KRT15: variants seen among roughly 807,000 people sequenced by gnomAD.
The protein encoded by KRT15 is keratin, type I cytoskeletal 15.
Under a neutral mutation model 46.6 loss-of-function variants are expected in KRT15, and 45 were observed. That is an observed-to-expected ratio of 0.97 (90% confidence interval 0.76 to 1.24). KRT15 has a LOEUF of 1.24. Ranked by LOEUF, KRT15 falls within the 50% of genes most tolerant of loss-of-function variation. The pLI, the probability that KRT15 is intolerant of heterozygous loss-of-function variation, is 0.00. For missense variants in KRT15, 592 were observed against 588.9 expected (o/e 1.01, Z -0.05); for synonymous variants, 221 against 233.8 (o/e 0.95, Z 0.50).
At position 41,518,389 on chromosome 17, in the gene KRT15, T is replaced by G. The variant is rs1050784; in HGVS notation, c.439A>C (p.Thr147Pro). ...IHDWYQKQTP[T>P]SPECDYSQYF... ...TGGCTGTAGTCGCATTCTGGGCTGGTTGGGGTCTGCTTCTGGTACCAGTCA... is the reference window on the plus strand; with the variant it reads ...TGGCTGTAGTCGCATTCTGGGCTGGGTGGGGTCTGCTTCTGGTACCAGTCA... The change falls in exon 1 of 8, where the codon ACC (threonine) becomes CCC (proline). Residue 147 changes from threonine to proline, a missense_variant. Transcript: ENST00000254043. The G allele has an allele frequency of 1.2e-6, 2 of 1,613,754 alleles. No homozygotes were observed. Among genetic ancestry groups the G allele is most frequent in the Non-Finnish European group, 1.7e-6 (2 of 1,179,918 alleles).
Position 41,513,906 on chromosome 17 carries a change from T to G in KRT15, c.*117A>C. The G allele has an allele frequency of 1.3e-6, 1 of 794,332 alleles. No homozygotes were observed. Among genetic ancestry groups the G allele is most frequent in the Non-Finnish European group, 2.2e-6 (1 of 446,516 alleles). 49.2% of individuals were successfully genotyped at this position (794,332 alleles called of 1,614,324 possible). On this transcript the variant is annotated 3_prime_UTR_variant, in exon 8 of 8. Transcript: ENST00000254043. ...CCTGAAATAAAAGACCGAGGGACCC[T>G]TTTCAGCTCTCTGAAGGCAGGGACT...
chr17:41,514,774 C>A, intron 6 of KRT15, 100 bp from the exon 7 acceptor site: 1 of 1,203,504 alleles, frequency 8.3e-7, no homozygotes, highest in Non-Finnish European at 1.2e-6. Context: ...TCAGACCCTA[C>A]ACCACCACCA....
In KRT15 at chr17:41,515,583, C is replaced by T. The variant is rs771994753; in HGVS notation, c.1136G>A (p.Arg379Gln). 5 of 1,614,142 alleles carry T rather than the reference C, an allele frequency of 3.1e-6. No individual in the cohort carries two copies. The highest frequency in any genetic ancestry group is 2.2e-5 in the South Asian group (2 of 91,082). The change falls in exon 6 of 8, where the codon CGA becomes CAA. Residue 379 changes from arginine (R) to glutamine (Q), a missense_variant. Physicochemically the swap from Arg to Gln is conservative, Grantham distance 43. Coordinates refer to ENST00000254043, the MANE Select transcript of KRT15 (RefSeq NM_002275.4). The stretch of plus-strand genomic sequence containing the variant: ...CTGGTTCTGAGCCTCCATCTCGCAT[C>T]GGAGCTCACTCAGCTGGGCCTCCAG... ...GGLEAQLSEL[R>Q]CEMEAQNQEY...
Position 41,518,537 on chromosome 17 carries a change from A to G in KRT15, c.291T>C (p.Asp97=). ...GGFGGGFGGG[D]GGLLSGNEKI... ...TCTCATTGCCAGAGAGGAGACCACC[A>G]TCGCCACCACCAAAGCCACCACCAA... The change falls in exon 1 of 8, where the codon GAT becomes GAC. Residue 97 remains aspartate (D), a synonymous_variant. Transcript: ENST00000254043. 6.2e-7 allele frequency: 1 copy of G among 1,613,954 alleles called. No individual in the cohort carries two copies. Among genetic ancestry groups the G allele is most frequent in the Non-Finnish European group, 8.5e-7 (1 of 1,179,984 alleles).
At chr17:41,518,084 C>T (rs1283284049) in intron 1 of KRT15, among the ~76,000 whole-genome samples, 1 of 152,050 alleles carries the variant, frequency 6.6e-6, no homozygotes, top group Non-Finnish European at 1.5e-5. Flanking sequence ...CCACCTGTGC[C>T]CCTGTTGGTC....
rs113520152 is a variant in KRT15 at position 41,515,470 on chromosome 17, A to G, written c.1247+2T>C. The stretch of plus-strand genomic sequence containing the variant: ...CTCCTTCCCCTGTGCCCAGGCGCCT[A>G]CTTGGCATCCTGGCCCTCGAGCAGG... On this transcript the variant is annotated splice_donor_variant, in intron 6 of 7. Transcript: ENST00000254043. LOFTEE classifies it high-confidence loss of function. 1.2e-6 allele frequency: 2 copies of G among 1,612,830 alleles called. No individual in the cohort carries two copies. Among genetic ancestry groups the G allele is most frequent in the South Asian group, 2.2e-5 (2 of 91,080 alleles).
Position 41,515,557 on chromosome 17 carries a change from C to T in KRT15, c.1162G>A (p.Glu388Lys). 6.2e-7 allele frequency: 1 copy of T among 1,614,194 alleles called. No individual in the cohort carries two copies. Among genetic ancestry groups the T allele is most frequent in the Non-Finnish European group, 8.5e-7 (1 of 1,180,050 alleles). ...TTTATGTCAAGCAGCATCTTGTACT[C>T]CTGGTTCTGAGCCTCCATCTCGCAT... The part of the protein sequence containing the change: ...LRCEMEAQNQ[E>K]YKMLLDIKTR... Residue 388 changes from glutamate (E) to lysine (K), a missense_variant, in exon 6 of 8, where the codon GAG (glutamate) becomes AAG (lysine). By Grantham distance (56) the Glu-to-Lys change is moderately conservative. Coordinates refer to ENST00000254043, the MANE Select transcript of KRT15 (RefSeq NM_002275.4).
chr17:41,518,377 A>T lies in KRT15; in HGVS notation c.451T>A (p.Cys151Ser), dbSNP rs1200805840. 6.2e-7 allele frequency: 1 copy of T among 1,614,028 alleles called. No individual in the cohort carries two copies. The highest frequency in any genetic ancestry group is 2.2e-5 in the East Asian group (1 of 44,868). The change falls in exon 1 of 8, where the codon TGC becomes AGC. Residue 151 changes from cysteine (C) to serine (S), a missense_variant. Coordinates refer to ENST00000254043, the MANE Select transcript of KRT15 (RefSeq NM_002275.4). The stretch of plus-strand genomic sequence containing the variant: ...GTCTTGAAGTATTGGCTGTAGTCGC[A>T]TTCTGGGCTGGTTGGGGTCTGCTTC... ...YQKQTPTSPE[C>S]DYSQYFKTIE...
chr17:41,518,457 C>A lies in KRT15; in HGVS notation c.371G>T (p.Arg124Leu), dbSNP rs774608568. ...GTCAGCATTGGCCTCCTCCAGGGCA[C>A]GTACCTTGTCCAGGTAGGAGGCCAG... ...DRLASYLDKVRALEEANADLE... is the reference protein window; with the variant it reads ...DRLASYLDKVLALEEANADLE... Residue 124 changes from arginine (R) to leucine (L), a missense_variant, in exon 1 of 8, where the codon CGT (arginine) becomes CTT (leucine). By Grantham distance (102) the Arg-to-Leu change is moderately radical. Coordinates refer to ENST00000254043, the MANE Select transcript of KRT15 (RefSeq NM_002275.4). The A allele has an allele frequency of 1.9e-6, 3 of 1,614,102 alleles. No individual in the cohort carries two copies. Among genetic ancestry groups the A allele is most frequent in the Non-Finnish European group, 2.5e-6 (3 of 1,180,020 alleles).
chr17:41,517,355 G>C, intron 1 of KRT15, 190 bp from the exon 2 acceptor site: 1 of 600,042 alleles, frequency 1.7e-6, no homozygotes. Context: ...TCCATTTCTT[G>C]TTTTGTCCCA....
chr17:41,516,180 A>G lies in KRT15; in HGVS notation c.824T>C (p.Leu275Pro), dbSNP rs750592404. The change falls in exon 4 of 8, where the codon CTG becomes CCG. Residue 275 changes from leucine to proline, a missense_variant. Coordinates refer to ENST00000254043, the MANE Select transcript of KRT15 (RefSeq NM_002275.4). ...AAPGVDLTRVLAEMREQYEAM... is the reference protein window; with the variant it reads ...AAPGVDLTRVPAEMREQYEAM... Reference sequence around the variant, plus strand: ...CTCGTACTGCTCCCTCATCTCTGCCAGCACACGGGTCAGGTCCACACCCGG... The same window carrying G: ...CTCGTACTGCTCCCTCATCTCTGCCGGCACACGGGTCAGGTCCACACCCGG... The G allele has an allele frequency of 6.2e-7, 1 of 1,614,160 alleles. No individual in the cohort carries two copies. Among genetic ancestry groups the G allele is most frequent in the South Asian group, 1.1e-5 (1 of 91,080 alleles).
At chr17:41,517,740 A>G (rs951695990) in intron 1 of KRT15, 3 of 160,502 alleles carry the variant, frequency 1.9e-5, no homozygotes, top group African/African-American at 7.2e-5. Context: ...CTTTTGGCAC[A>G]AAAGACCTCT....
intron 1 of KRT15, 67 bp downstream of exon 1, chr17:41,518,263 C>T: frequency 1.3e-6 from 2 of 1,510,392 alleles, no homozygotes; most frequent in Non-Finnish European, 1.8e-6. Context: ...AGCAGTAACA[C>T]TGACATTAGA....
In KRT15 at chr17:41,518,375, G is replaced by T. The variant is rs375944757; in HGVS notation, c.453C>A (p.Cys151Ter). 3.7e-6 allele frequency: 6 copies of T among 1,613,962 alleles called. No homozygotes were observed. Among genetic ancestry groups the T allele is most frequent in the Non-Finnish European group, 5.1e-6 (6 of 1,179,928 alleles). ...TGGTCTTGAAGTATTGGCTGTAGTC[G>T]CATTCTGGGCTGGTTGGGGTCTGCT... ...YQKQTPTSPE[C>*]DYSQYFKTIE... is the part of the protein sequence containing the mutation. Residue 151 changes from cysteine (C) to a stop codon, truncating the protein, a stop_gained, in exon 1 of 8, where the codon TGC becomes TGA. Coordinates refer to ENST00000254043, the MANE Select transcript of KRT15 (RefSeq NM_002275.4). LOFTEE classifies it high-confidence loss of function.
Position 41,515,957 on chromosome 17 carries a change from G to T in KRT15, c.954C>A (p.Ser318Arg), listed in dbSNP as rs747416124. Residue 318 changes from serine to arginine, a missense_variant, in exon 5 of 8, where the codon AGC becomes AGA. Physicochemically the swap from Ser to Arg is moderately radical, Grantham distance 110. Coordinates refer to ENST00000254043, the MANE Select transcript of KRT15 (RefSeq NM_002275.4). ...GTCTCAGGTCTGTGATCTCCGTCTT[G>T]CTGGTCTGGATCATTTCTGTGTTGG... The part of the protein sequence containing the change: ...VASNTEMIQT[S>R]KTEITDLRRT... 5 of 1,614,038 alleles carry T rather than the reference G, an allele frequency of 3.1e-6. No homozygotes were observed. In the Admixed American group the frequency reaches 8.3e-5, roughly 27 times the overall value.
Position 41,518,671 on chromosome 17 carries a change from A to C in KRT15, c.157T>G (p.Ser53Ala), listed in dbSNP as rs750235624. The change falls in exon 1 of 8, where the codon TCT becomes GCT. Residue 53 changes from serine (S) to alanine (A), a missense_variant. Ser to Ala is a moderately conservative substitution (Grantham distance 99, BLOSUM62 1). Coordinates refer to ENST00000254043, the MANE Select transcript of KRT15 (RefSeq NM_002275.4). ...CCATATCCTCCTCCTGACCCTGAAG[A>C]GACAAACCTAGCAGAAGAAGCTGAG... ...SISASSARFV[S>A]SGSGGGYGGG... 6.2e-7 allele frequency: 1 copy of C among 1,612,534 alleles called. No homozygotes were observed. Among genetic ancestry groups the C allele is most frequent in the Non-Finnish European group, 8.5e-7 (1 of 1,179,548 alleles).
At chr17:41,514,768 A>G in intron 6 of KRT15, 94 bp from the exon 7 acceptor site, 1 of 1,291,286 alleles carries the variant, frequency 7.7e-7, no homozygotes, top group South Asian at 1.3e-5. Context: ...TGTTCTTCAG[A>G]CCCTACACCA....
At chr17:41,515,381 C>T (rs1905299870) in intron 6 of KRT15, 91 bp downstream of exon 6, 6 of 1,129,746 alleles carry the variant, frequency 5.3e-6, no homozygotes, top group Non-Finnish European at 7.9e-6. Flanking sequence ...CTCAAGGCTG[C>T]TTAGGGACAC....
At position 41,518,490 on chromosome 17, in the gene KRT15, T is replaced by C. The variant is rs139556869; in HGVS notation, c.338A>G (p.Asn113Ser). The C allele has an allele frequency of 5.1e-5, 82 of 1,613,982 alleles. No individual in the cohort carries two copies. The highest frequency in any genetic ancestry group is 7.7e-5 in the South Asian group (7 of 91,058). The change falls in exon 1 of 8, where the codon AAT becomes AGT. Residue 113 changes from asparagine to serine, a missense_variant. Transcript: ENST00000254043. ...GNEKITMQNL[N>S]DRLASYLDKV... is the part of the protein sequence containing the mutation. ...GTCCAGGTAGGAGGCCAGGCGGTCA[T>C]TGAGGTTCTGCATGGTAATTTTCTC...
Sources: allele counts gnomAD v4.1 joint callset (sites outside exome capture counted in the v4.1 genomes callset), GRCh38; gene constraint gnomAD v4.1.1; transcripts MANE v1.5; gene names NCBI Gene and HGNC (gene_info 2026-07-23, HGNC 2026-07-21).